RANBP2: variants seen among roughly 807,000 people sequenced by gnomAD.
RANBP2 encodes E3 SUMO-protein ligase RanBP2.
A neutral mutation model predicts 303.6 loss-of-function variants in RANBP2; 57 were observed. The observed-to-expected ratio is 0.19, with a 90% CI of 0.15 to 0.23. The LOEUF is 0.23. RANBP2 is among the 10% of genes least tolerant of loss of function. RANBP2 has a pLI of 1.00. For synonymous variants in RANBP2, 1,167 were observed against 1,301.5 expected (o/e 0.90, Z 2.23); for missense variants, 3,138 against 3,780.8 (o/e 0.83, Z 4.46).
chr2:109,307,367 A>G, the RANBP2 span, among the ~76,000 whole-genome samples: 1 of 152,178 alleles, frequency 6.6e-6, no homozygotes, highest in Admixed American at 6.5e-5. Context: ...ATTTGTGGGC[A>G]AGCAGAACGC....
the RANBP2 span, among the ~76,000 whole-genome samples, chr2:108,964,654 A>G: frequency 6.6e-6 from 1 of 152,214 alleles, no homozygotes; most frequent in Non-Finnish European, 1.5e-5. Context: ...TAGCACTCCA[A>G]TTCCAGAAAG....
At chr2:108,934,974 T>A in the RANBP2 span, among the ~76,000 whole-genome samples, 1 of 152,216 alleles carries the variant, frequency 6.6e-6, no homozygotes. Flanking sequence ...TCAGGGGTTG[T>A]GAAGCCAGTC....
At position 108,782,413 on chromosome 2, in the gene RANBP2, C is replaced by T. The variant is rs1424098653; in HGVS notation, c.9034+12C>T. On this transcript the variant is annotated intron_variant, in intron 27 of 28. Transcript: ENST00000283195. The stretch of plus-strand genomic sequence containing the variant: ...CTCAGATTATGCTGGTGAGTTTTTA[C>T]ATTCAAATGCTACTTTTCATTTTTT... The T allele has an allele frequency of 1.9e-6, 3 of 1,613,868 alleles. No homozygotes were observed. Among genetic ancestry groups the T allele is most frequent in the East Asian group, 4.5e-5 (2 of 44,880 alleles).
Position 108,764,938 on chromosome 2 carries a change from C to A in RANBP2, c.4399C>A (p.Pro1467Thr). 6.2e-7 allele frequency: 1 copy of A among 1,613,972 alleles called. No individual in the cohort carries two copies. Among genetic ancestry groups the A allele is most frequent in the Non-Finnish European group, 8.5e-7 (1 of 1,179,962 alleles). Residue 1467 changes from proline (P) to threonine (T), a missense_variant, in exon 20 of 29, where the codon CCT becomes ACT. Around this residue, in one of 20 missense-constraint regions of RANBP2, gnomAD observed 388 missense variants for 328.5 expected, o/e 1.18. Coordinates refer to ENST00000283195, the MANE Select transcript of RANBP2 (RefSeq NM_006267.5). ...FKFGQGDLPK[P>T]INSDFRSVFS... ...ATTTGGCCAGGGAGATCTTCCTAAA[C>A]CTATTAACAGTGATTTCAGATCTGT...
the RANBP2 span, among the ~76,000 whole-genome samples, chr2:109,275,686 G>T: frequency 6.6e-6 from 1 of 152,100 alleles, no homozygotes; most frequent in Non-Finnish European, 1.5e-5. Flanking sequence ...TGATTAGCGC[G>T]TCCTTTTAAA....
chr2:109,064,360 G>A, the RANBP2 span, among the ~76,000 whole-genome samples: 2 of 147,276 alleles, frequency 1.4e-5, no homozygotes, highest in Non-Finnish European at 3.0e-5. Flanking sequence ...GGAGGCTGAG[G>A]CAGAAGAATG....
the RANBP2 span, among the ~76,000 whole-genome samples, chr2:109,078,922 C>T: frequency 7.3e-5 from 11 of 151,448 alleles, no homozygotes; most frequent in Non-Finnish European, 1.5e-4. Context: ...ACCCGGGAGG[C>T]GGAGCTTGCA....
chr2:109,553,158 C>T, the RANBP2 span: 1 of 1,613,988 alleles, frequency 6.2e-7, no homozygotes, highest in East Asian at 2.2e-5. Context: ...TTCATTTCTT[C>T]TTCCTTCCTC....
chr2:109,102,662 T>A, the RANBP2 span, among the ~76,000 whole-genome samples: 1 of 152,146 alleles, frequency 6.6e-6, no homozygotes, highest in Non-Finnish European at 1.5e-5. Flanking sequence ...GCCTATCATC[T>A]GTCAAAACGC....
At chr2:109,283,855 G>A in the RANBP2 span, among the ~76,000 whole-genome samples, 2 of 152,212 alleles carry the variant, frequency 1.3e-5, no homozygotes, top group African/African-American at 4.8e-5. Flanking sequence ...AGCCACTGGG[G>A]ATGCTGGGGA....
chr2:109,065,722 G>A, the RANBP2 span, among the ~76,000 whole-genome samples: 1 of 152,186 alleles, frequency 6.6e-6, no homozygotes, highest in Non-Finnish European at 1.5e-5. Flanking sequence ...ATTCAAATTT[G>A]GACTCAATGT....
intron 1 of RANBP2, among the ~76,000 whole-genome samples, chr2:108,723,757 T>C (rs1274002429): frequency 1.3e-5 from 2 of 152,246 alleles, no homozygotes; most frequent in Non-Finnish European, 2.9e-5. Context: ...GGTTTTGTTT[T>C]TCCTGGACTG....
At chr2:109,066,835 A>G in the RANBP2 span, among the ~76,000 whole-genome samples, 4 of 152,166 alleles carry the variant, frequency 2.6e-5, no homozygotes, top group African/African-American at 9.7e-5. Context: ...CCCCAGGGAC[A>G]AAGGGAGAAG....
chr2:109,058,662 G>A, the RANBP2 span, among the ~76,000 whole-genome samples: 214 of 152,342 alleles, frequency 1.4e-3, no homozygotes, highest in South Asian at 7.1e-3. Context: ...GTAAGGAAAC[G>A]TCCTGTAAGG....
chr2:109,199,844 G>GAATGGA, the RANBP2 span, among the ~76,000 whole-genome samples: 3 of 52,370 alleles, frequency 5.7e-5, no homozygotes, highest in African/African-American at 1.1e-4. Flanking sequence ...GAATGGAATG[G>GAATGGA]AATGGAAATA....
the RANBP2 span, among the ~76,000 whole-genome samples, chr2:109,136,001 A>G: frequency 2.0e-5 from 3 of 152,188 alleles, no homozygotes; most frequent in African/African-American, 7.2e-5. Flanking sequence ...TCCGTAGGAC[A>G]CAATAGCTTG....
At chr2:108,846,778 A>G in the RANBP2 span, 3 of 1,613,044 alleles carry the variant, frequency 1.9e-6, no homozygotes, top group Admixed American at 3.3e-5. Context: ...TTGGGTGAAG[A>G]CATTTTTAAA....
At chr2:109,390,402 C>T in the RANBP2 span, among the ~76,000 whole-genome samples, 1 of 152,198 alleles carries the variant, frequency 6.6e-6, no homozygotes, top group Non-Finnish European at 1.5e-5. Flanking sequence ...CTTTTATGGA[C>T]TTGGACACAT....
the RANBP2 span, among the ~76,000 whole-genome samples, chr2:109,607,228 G>A: frequency 6.6e-6 from 1 of 152,156 alleles, no homozygotes. Context: ...GCTGCTTGGA[G>A]TAAGACTACA....
Sources: allele counts gnomAD v4.1 joint callset (sites outside exome capture counted in the v4.1 genomes callset), GRCh38; gene constraint gnomAD v4.1.1; regional missense constraint gnomAD v4.1.1; transcripts MANE v1.5; gene names NCBI Gene and HGNC (gene_info 2026-07-23, HGNC 2026-07-21).